Variants in NNT observed in about 807,000 individuals in gnomAD.
The protein encoded by NNT is nicotinamide nucleotide transhydrogenase, also known as NAD(P) transhydrogenase, mitochondrial.
Under a neutral mutation model 104.8 loss-of-function variants are expected in NNT, and 50 were observed. That is an observed-to-expected ratio of 0.48 (90% CI 0.38 to 0.60). The LOEUF is 0.60. Ranked by LOEUF, NNT falls within the 20% of genes least tolerant of loss-of-function variation. The pLI, the probability that NNT is intolerant of heterozygous loss-of-function variation, is 0.00. For synonymous variants in NNT, 461 were observed against 490.4 expected (o/e 0.94, Z 0.79); for missense variants, 1,131 against 1,330.7 (o/e 0.85, Z 2.33).
chr5:43,670,927 TG>T (rs149744040), intron 17 of NNT, among the ~76,000 whole-genome samples: 2,340 of 152,300 alleles, frequency 0.015, 59 homozygotes, highest in African/African-American at 0.053. Flanking sequence ...TAAGTCTCTT[TG>T]TAGGTCTCTA....
chr5:43,613,873 G>A (rs555450197), intron 3 of NNT, among the ~76,000 whole-genome samples: 3 of 151,836 alleles, frequency 2.0e-5, no homozygotes, highest in Admixed American at 6.6e-5. Flanking sequence ...TTTCTATGAG[G>A]TATCAATCAC....
chr5:43,694,834 G>A (rs887013606), intron 19 of NNT, among the ~76,000 whole-genome samples: 10 of 151,756 alleles, frequency 6.6e-5, no homozygotes, highest in African/African-American at 2.4e-4. Flanking sequence ...GAGTTAGGGA[G>A]GAGTCTATCC....
intron 20 of NNT, among the ~76,000 whole-genome samples, chr5:43,702,218 C>T (rs1258932179): frequency 6.6e-6 from 1 of 152,196 alleles, no homozygotes; most frequent in East Asian, 1.9e-4. Flanking sequence ...CCTAGGTTTT[C>T]TTCTTGGATT....
At chr5:43,670,475 T>C (rs552237495) in intron 17 of NNT, among the ~76,000 whole-genome samples, 1 of 152,370 alleles carries the variant, frequency 6.6e-6, no homozygotes, top group East Asian at 1.9e-4. Flanking sequence ...GATTCTGGTA[T>C]GTTGTGTCTT....
intron 10 of NNT, chr5:43,648,081 C>G: frequency 8.2e-7 from 1 of 1,221,028 alleles, no homozygotes; most frequent in African/African-American, 1.6e-5. Context: ...CCCTATGCAA[C>G]TTCTCTAATT....
At chr5:43,610,726 T>C (rs1307347944) in intron 2 of NNT, among the ~76,000 whole-genome samples, 2 of 152,208 alleles carry the variant, frequency 1.3e-5, no homozygotes, top group African/African-American at 2.4e-5. Flanking sequence ...TCCAACTTTA[T>C]CTTCAGATGC....
At chr5:43,610,686 C>T (rs963352025) in intron 2 of NNT, among the ~76,000 whole-genome samples, 1 of 152,160 alleles carries the variant, frequency 6.6e-6, no homozygotes, top group African/African-American at 2.4e-5. Flanking sequence ...TGACAAGTCA[C>T]AATTGGCAGG....
At chr5:43,680,972 T>A (rs1414383437) in intron 19 of NNT, among the ~76,000 whole-genome samples, 1 of 152,078 alleles carries the variant, frequency 6.6e-6, no homozygotes, top group Non-Finnish European at 1.5e-5. Flanking sequence ...AATGTTCCCA[T>A]TGAGTAATTA....
chr5:43,687,787 C>A (rs1210792653), intron 19 of NNT, among the ~76,000 whole-genome samples: 2 of 152,086 alleles, frequency 1.3e-5, no homozygotes, highest in South Asian at 2.1e-4. Context: ...AAAACATTGT[C>A]TTTATGCAGT....
chr5:43,623,438 A>G (rs992426586), intron 5 of NNT, among the ~76,000 whole-genome samples: 8 of 152,164 alleles, frequency 5.3e-5, no homozygotes, highest in Non-Finnish European at 8.8e-5. Flanking sequence ...TGATCCTTCC[A>G]TGATTAGGGA....
intron 4 of NNT, among the ~76,000 whole-genome samples, chr5:43,618,326 A>G (rs1442957455): frequency 6.6e-6 from 1 of 152,166 alleles, no homozygotes; most frequent in African/African-American, 2.4e-5. Flanking sequence ...AATTTTAAAA[A>G]TTTGCCCAAG....
At chr5:43,653,889 A>C (rs1434976502) in intron 14 of NNT, among the ~76,000 whole-genome samples, 1 of 151,504 alleles carries the variant, frequency 6.6e-6, no homozygotes, top group African/African-American at 2.4e-5. Flanking sequence ...TGGGATGTGG[A>C]GGTTGCAGTG....
intron 6 of NNT, among the ~76,000 whole-genome samples, chr5:43,627,986 C>A (rs1237459891): frequency 6.6e-6 from 1 of 152,026 alleles, no homozygotes; most frequent in African/African-American, 2.4e-5. Flanking sequence ...AGTTGGAATT[C>A]TCAGTAGTTT....
rs765192381 is a variant in NNT, at chr5:43,644,762, G to A, written c.1250G>A (p.Gly417Asp). ...GATGTGAAAGATGACTTTGACTTTG[G>A]TACGATGGGTCATGTCATTAGAGGA... ...YFDVKDDFDFGTMGHVIRGTV... is the reference protein window; with the variant it reads ...YFDVKDDFDFDTMGHVIRGTV... The change falls in exon 9 of 22, where the codon GGT becomes GAT. Residue 417 changes from glycine to aspartate, a missense_variant. Gly to Asp is a moderately conservative substitution (Grantham distance 94). Coordinates refer to ENST00000344920, the MANE Select transcript of NNT (RefSeq NM_182977.3). 6.2e-7 allele frequency: 1 copy of A among 1,614,140 alleles called. No homozygotes were observed.
At chr5:43,614,030 C>T (rs1749647787) in intron 3 of NNT, among the ~76,000 whole-genome samples, 1 of 152,148 alleles carries the variant, frequency 6.6e-6, no homozygotes, top group African/African-American at 2.4e-5. Flanking sequence ...TTAACTGTAA[C>T]TCAGCTAAAG....
intron 11 of NNT, 79 bp downstream of exon 11, chr5:43,649,387 A>G (rs1739631309): frequency 6.7e-7 from 1 of 1,499,410 alleles, no homozygotes; most frequent in Non-Finnish European, 9.1e-7. Flanking sequence ...AATGCCGTTT[A>G]TAAAGTGTGT....
At chr5:43,672,180 T>A (rs1297479335) in intron 17 of NNT, among the ~76,000 whole-genome samples, 1 of 152,182 alleles carries the variant, frequency 6.6e-6, no homozygotes, top group Admixed American at 6.5e-5. Flanking sequence ...TAGTTAGCCA[T>A]TCGTCTTAAT....
At chr5:43,634,675 A>G (rs186200776) in intron 7 of NNT, among the ~76,000 whole-genome samples, 5 of 152,326 alleles carry the variant, frequency 3.3e-5, no homozygotes, top group Non-Finnish European at 5.9e-5. Context: ...AAGAACAGAG[A>G]GAAACTTAAG....
intron 17 of NNT, among the ~76,000 whole-genome samples, chr5:43,673,362 T>G (rs1277835358): frequency 6.6e-6 from 1 of 152,174 alleles, no homozygotes; most frequent in Non-Finnish European, 1.5e-5. Flanking sequence ...AAATCACCCG[T>G]CTTCTGCGTC....
Sources: gnomAD v4.1 joint callset for allele counts (sites outside exome capture counted in the v4.1 genomes callset) on GRCh38, gnomAD v4.1.1 for gene constraint, MANE v1.5 for transcripts, NCBI Gene and HGNC (gene_info 2026-07-23, HGNC 2026-07-21) for gene names.